PI4K2B: variants seen among roughly 807,000 people sequenced by gnomAD.
PI4K2B encodes phosphatidylinositol 4-kinase type 2-beta.
Under a neutral mutation model 56.6 loss-of-function variants are expected in PI4K2B, and 46 were observed. The observed-to-expected ratio is 0.81, with a 90% CI of 0.64 to 1.04. The LOEUF is 1.04. Ranked by LOEUF, PI4K2B falls within the 50% of genes least tolerant of loss-of-function variation. The pLI is 0.00. For missense variants in PI4K2B, 556 were observed against 607.7 expected (o/e 0.91, Z 0.89); for synonymous variants, 211 against 223.8 (o/e 0.94, Z 0.51).
chr4:25,275,448 G>A lies in PI4K2B; in HGVS notation c.1273-1566G>A, dbSNP rs543307516. Among the ~76,000 whole-genome samples the A allele has an allele frequency of 9.2e-5, 14 of 152,156 alleles. No individual in the cohort carries two copies. In the East Asian group the frequency reaches 2.3e-3, roughly 25 times the overall value. Reference sequence around the variant, plus strand: ...GGAGGCTGAGACAGGTGGATCTCTCGAGCCTAGGAGTTCAAGACCAGTCTG... The same window carrying A: ...GGAGGCTGAGACAGGTGGATCTCTCAAGCCTAGGAGTTCAAGACCAGTCTG... On this transcript the variant is annotated intron_variant, in intron 9 of 9. Coordinates refer to ENST00000264864, the MANE Select transcript of PI4K2B (RefSeq NM_018323.4).
rs1716213240 is a variant in PI4K2B, at chr4:25,255,160, C to G, written c.519C>G (p.Cys173Trp). The G allele has an allele frequency of 1.2e-6, 2 of 1,613,976 alleles. No homozygotes were observed. Among genetic ancestry groups the G allele is most frequent in the African/African-American group, 2.7e-5 (2 of 74,926 alleles). The change falls in exon 3 of 10, where the codon TGC (cysteine) becomes TGG (tryptophan). Residue 173 changes from cysteine (C) to tryptophan (W), a missense_variant. By Grantham distance (215) the Cys-to-Trp change is radical. Coordinates refer to ENST00000264864, the MANE Select transcript of PI4K2B (RefSeq NM_018323.4). ...TKYVHKVCCP[C>W]CFGRGCLIPN... ...ATGTCCATAAGGTCTGCTGCCCTTGCTGCTTTGGCCGAGGCTGCCTGATTC... is the reference window on the plus strand; with the variant it reads ...ATGTCCATAAGGTCTGCTGCCCTTGGTGCTTTGGCCGAGGCTGCCTGATTC...
intron 1 of PI4K2B, among the ~76,000 whole-genome samples, chr4:25,249,275 T>C (rs1458393375): frequency 6.6e-6 from 1 of 152,166 alleles, no homozygotes; most frequent in African/African-American, 2.4e-5. Flanking sequence ...CCCTTATCTA[T>C]TCGACAAAAC....
intron 1 of PI4K2B, among the ~76,000 whole-genome samples, chr4:25,245,344 G>T (rs1026408602): frequency 6.6e-6 from 1 of 152,168 alleles, no homozygotes; most frequent in Non-Finnish European, 1.5e-5. Flanking sequence ...TGTCTGGCAG[G>T]CACTAGGACC....
chr4:25,250,115 A>G (rs1715989013), intron 1 of PI4K2B, among the ~76,000 whole-genome samples: 1 of 152,212 alleles, frequency 6.6e-6, no homozygotes, highest in Non-Finnish European at 1.5e-5. Context: ...GGCACTTGGC[A>G]GGCTGAGGCG....
intron 1 of PI4K2B, among the ~76,000 whole-genome samples, 197 bp downstream of exon 1, chr4:25,234,628 G>C (rs890698434): frequency 6.6e-6 from 1 of 152,244 alleles, no homozygotes; most frequent in Non-Finnish European, 1.5e-5. Flanking sequence ...TTCTCCGGGA[G>C]CTCCCTCTCC....
intron 7 of PI4K2B, among the ~76,000 whole-genome samples, chr4:25,267,111 A>G (rs1047430083): frequency 2.0e-5 from 3 of 152,230 alleles, no homozygotes; most frequent in African/African-American, 4.8e-5. Context: ...ACAGTGCTAC[A>G]TGCTACAGAG....
At chr4:25,262,086 A>C (rs991497370) in intron 6 of PI4K2B, among the ~76,000 whole-genome samples, 2 of 152,198 alleles carry the variant, frequency 1.3e-5, no homozygotes, top group African/African-American at 4.8e-5. Context: ...GATTGAGTCC[A>C]GGAGTCTGAG....
rs1715129858 is a variant in PI4K2B at position 25,234,196 on chromosome 4, G to A, written c.33G>A (p.Ala11=). The A allele has an allele frequency of 1.4e-6, 2 of 1,403,222 alleles. No individual in the cohort carries two copies. Among genetic ancestry groups the A allele is most frequent in the East Asian group, 3.0e-5 (1 of 33,342 alleles). 86.9% of individuals were successfully genotyped at this position (1,403,222 alleles called of 1,614,324 possible). The part of the protein sequence containing the change: MEDPSEPDRL[A]SADGGSPEEE... ...ATCCCTCCGAGCCCGACCGGTTGGC[G>A]TCCGCGGACGGCGGGAGCCCGGAGG... Residue 11 remains alanine, a synonymous_variant, in exon 1 of 10, where the codon GCG becomes GCA. Transcript: ENST00000264864.
chr4:25,249,523 G>T (rs1715952225), intron 1 of PI4K2B, among the ~76,000 whole-genome samples: 1 of 107,018 alleles, frequency 9.3e-6, no homozygotes, highest in African/African-American at 3.4e-5. Flanking sequence ...CGGGCGGAGG[G>T]GCTCCTCACT....
At chr4:25,241,222 T>C (rs1487494883) in intron 1 of PI4K2B, among the ~76,000 whole-genome samples, 9 of 152,366 alleles carry the variant, frequency 5.9e-5, no homozygotes, top group African/African-American at 1.9e-4. Context: ...CTTTCCCAGT[T>C]CTAAGGCTCT....
chr4:25,267,854 T>A lies in PI4K2B; in HGVS notation c.1079-589T>A, dbSNP rs1301392258. On this transcript the variant is annotated intron_variant, in intron 7 of 9. Coordinates refer to ENST00000264864, the MANE Select transcript of PI4K2B (RefSeq NM_018323.4). ...CCTAATGATTTCAAAGTTTAGAACA[T>A]CTTCTGTGTACAAGTAAGTGGTCAA... The A allele has an allele frequency of 1.5e-5, 15 of 982,736 alleles. No homozygotes were observed. In the Admixed American group the frequency reaches 2.5e-4, roughly 16 times the overall value. 60.9% of individuals were successfully genotyped at this position (982,736 alleles called of 1,614,324 possible). A position where few individuals can be genotyped will look rare whatever the true frequency, so the allele number is the denominator to read the frequency against.
In PI4K2B at chr4:25,243,533, T is replaced by C. The variant is rs547617686; in HGVS notation, c.269-8788T>C. ...TGGGCCCGTTCCTTTTGGTCCCTAT[T>C]ATAGAACACCGAGGTTGCCAGGTTT... On this transcript the variant is annotated intron_variant, in intron 1 of 9. Transcript: ENST00000264864. 3.9e-5 allele frequency among the ~76,000 whole-genome samples: 6 copies of C among 152,344 alleles called. No individual in the cohort carries two copies. In the East Asian group the frequency reaches 1.2e-3, roughly 29 times the overall value.
intron 1 of PI4K2B, among the ~76,000 whole-genome samples, chr4:25,241,521 T>G (rs1437599134): frequency 1.3e-5 from 2 of 152,198 alleles, no homozygotes; most frequent in Non-Finnish European, 2.9e-5. Context: ...ATGTGCGTAT[T>G]TGAAGCACTG....
rs549127152 is a variant in PI4K2B at position 25,268,333 on chromosome 4, C to G, written c.1079-110C>G. Reference sequence around the variant, plus strand: ...AGTTGTACTCTGATTAAGTTCTTATCCTGTCCTTTTTTGGGGAGAACCTAG... The same window carrying G: ...AGTTGTACTCTGATTAAGTTCTTATGCTGTCCTTTTTTGGGGAGAACCTAG... On this transcript the variant is annotated intron_variant, in intron 7 of 9. Transcript: ENST00000264864. The G allele has an allele frequency of 3.5e-6, 3 of 847,616 alleles. No individual in the cohort carries two copies. In the African/African-American group the frequency reaches 5.1e-5, roughly 15 times the overall value. The allele number at this position is 847,616 out of a possible 1,614,324, so 52.5% of individuals were successfully genotyped here.
intron 4 of PI4K2B, among the ~76,000 whole-genome samples, chr4:25,256,953 T>C (rs1462834695): frequency 1.3e-5 from 2 of 149,606 alleles, no homozygotes; most frequent in Admixed American, 1.3e-4. Flanking sequence ...AAGTAATGGG[T>C]AAAACCACAG....
Position 25,277,034 on chromosome 4 carries a change from A to G in PI4K2B, c.1293A>G (p.Ala431=), listed in dbSNP as rs139894889. 1.4e-4 allele frequency: 223 copies of G among 1,598,564 alleles called. No homozygotes were observed. In the African/African-American group the frequency reaches 2.8e-3, roughly 20 times the overall value. ...MRGQILNLTQ[A]LRDGKSPFQL... ...CACAGATCTTAAACCTTACTCAGGCATTGAGAGACGGGAAGAGTCCTTTCC... is the reference window on the plus strand; with the variant it reads ...CACAGATCTTAAACCTTACTCAGGCGTTGAGAGACGGGAAGAGTCCTTTCC... The change falls in exon 10 of 10, where the codon GCA becomes GCG. Residue 431 remains alanine (A), a synonymous_variant. Coordinates refer to ENST00000264864, the MANE Select transcript of PI4K2B (RefSeq NM_018323.4).
At chr4:25,269,431 G>A (rs1315620658) in intron 9 of PI4K2B, among the ~76,000 whole-genome samples, 1 of 152,092 alleles carries the variant, frequency 6.6e-6, no homozygotes, top group Non-Finnish European at 1.5e-5. Flanking sequence ...GAGGTCAGGA[G>A]TTCGAGACCA....
chr4:25,269,343 T>A (rs1716782423), intron 9 of PI4K2B, 140 bp downstream of exon 9: 1 of 574,608 alleles, frequency 1.7e-6, no homozygotes, highest in African/African-American at 1.9e-5. Context: ...TTATTAGAAA[T>A]GAAGTTGATT....
intron 1 of PI4K2B, among the ~76,000 whole-genome samples, chr4:25,237,905 G>A (rs1715337230): frequency 1.3e-5 from 2 of 152,130 alleles, no homozygotes. Context: ...AAAAGAAAAA[G>A]CACAAAGAAG....
Sources: gnomAD v4.1 joint callset for allele counts (sites outside exome capture counted in the v4.1 genomes callset) on GRCh38, gnomAD v4.1.1 for gene constraint, MANE v1.5 for transcripts, NCBI Gene and HGNC (gene_info 2026-07-23, HGNC 2026-07-21) for gene names.